The following SYN3 variants were observed in gnomAD, a reference collection of about 807,000 sequenced individuals.
SYN3 encodes synapsin-3.
Under a neutral mutation model 65.8 loss-of-function variants are expected in SYN3, and 35 were observed. The ratio of observed to expected loss-of-function variants is 0.53; its 90% CI spans 0.41 to 0.70. The LOEUF (loss-of-function observed/expected upper bound fraction) is 0.70. Among genes scored for constraint, SYN3 ranks in the 30% least tolerant of loss-of-function variants. SYN3 has a pLI of 0.00. For missense variants in SYN3, 680 were observed against 749.0 expected (o/e 0.91, Z 1.08); for synonymous variants, 270 against 292.9 (o/e 0.92, Z 0.80).
intron 6 of SYN3, among the ~76,000 whole-genome samples, chr22:32,722,063 G>A (rs147690860): frequency 5.0e-4 from 76 of 152,310 alleles, no homozygotes; most frequent in African/African-American, 1.7e-3. Context: ...GAGGAAGAGC[G>A]GTGGAAGATG....
chr22:32,812,651 T>C (rs2046946111), intron 6 of SYN3, among the ~76,000 whole-genome samples: 1 of 152,246 alleles, frequency 6.6e-6, no homozygotes, highest in Non-Finnish European at 1.5e-5. Flanking sequence ...ATGTGGTTCA[T>C]GGCTCGGCTC....
In SYN3 at chr22:32,550,079, G is replaced by T. The variant is rs187485690; in HGVS notation, c.775-8366C>A. Reference sequence around the variant, plus strand: ...AAACAAAATAAATCAACTGGAGAAAGAATTTCCTGAAAACAGAAAACAAAA... The same window carrying T: ...AAACAAAATAAATCAACTGGAGAAATAATTTCCTGAAAACAGAAAACAAAA... On this transcript the variant is annotated intron_variant, in intron 7 of 13. Transcript: ENST00000358763. 7.2e-5 allele frequency among the ~76,000 whole-genome samples: 11 copies of T among 152,182 alleles called. No homozygotes were observed. The East Asian group carries it at 1.9e-3, about 27-fold the overall frequency.
In SYN3 at chr22:32,739,441, T is replaced by C. The variant is rs535260130; in HGVS notation, c.711+125474A>G. Among the ~76,000 whole-genome samples, 32 of 151,258 alleles carry C rather than the reference T, an allele frequency of 2.1e-4. No homozygotes were observed. The East Asian group carries it at 6.1e-3, about 29-fold the overall frequency. ...CTTTATCAGCAGTGTGAAAATGAAG[T>C]AATACAGTGTCCCTTCAAAGTCCCC... On this transcript the variant is annotated intron_variant, in intron 6 of 13. Transcript: ENST00000358763.
At chr22:32,846,429 A>G (rs1462609619) in intron 6 of SYN3, among the ~76,000 whole-genome samples, 17 of 152,224 alleles carry the variant, frequency 1.1e-4, no homozygotes, top group Admixed American at 1.1e-3. Context: ...ATGCCCTAAG[A>G]TGGAATAAAA....
intron 6 of SYN3, among the ~76,000 whole-genome samples, chr22:32,727,053 A>G (rs948035649): frequency 6.6e-6 from 1 of 151,568 alleles, no homozygotes; most frequent in African/African-American, 2.4e-5. Flanking sequence ...ATACGTGGCC[A>G]TGGTGGTTTG....
intron 3 of SYN3, among the ~76,000 whole-genome samples, chr22:32,939,265 T>C (rs1262521908): frequency 6.6e-6 from 1 of 152,170 alleles, no homozygotes; most frequent in African/African-American, 2.4e-5. Flanking sequence ...GGAAATATAC[T>C]GCTGAAAGGT....
At chr22:32,728,363 C>T (rs527933685) in intron 6 of SYN3, among the ~76,000 whole-genome samples, 1 of 152,322 alleles carries the variant, frequency 6.6e-6, no homozygotes, top group African/African-American at 2.4e-5. Flanking sequence ...TCCTGTGCTC[C>T]GGCCATACCA....
chr22:32,817,112 T>C lies in SYN3; in HGVS notation c.711+47803A>G, dbSNP rs924049941. Among the ~76,000 whole-genome samples, 12 of 151,666 alleles carry C rather than the reference T, an allele frequency of 7.9e-5. No homozygotes were observed. In the East Asian group the frequency reaches 2.3e-3, roughly 29 times the overall value. The stretch of plus-strand genomic sequence containing the variant: ...TTGGGCCTGTAGTCCCAGTTACTCT[T>C]GAGGCTTAGGTGGGAGAATCGCTTG... On this transcript the variant is annotated intron_variant, in intron 6 of 13. Transcript: ENST00000358763.
At chr22:32,603,239 G>A (rs1270376849) in intron 6 of SYN3, among the ~76,000 whole-genome samples, 1 of 151,934 alleles carries the variant, frequency 6.6e-6, no homozygotes, top group Non-Finnish European at 1.5e-5. Context: ...CTGGCCGGGC[G>A]CGGTGGCTCA....
At chr22:32,835,462 C>G (rs2146159365) in intron 6 of SYN3, among the ~76,000 whole-genome samples, 1 of 152,124 alleles carries the variant, frequency 6.6e-6, no homozygotes, top group Middle Eastern at 3.4e-3. Context: ...CTGTTCTAGT[C>G]TTATGCTTGC....
chr22:32,592,469 T>A (rs1314904206), intron 7 of SYN3, among the ~76,000 whole-genome samples: 1 of 152,254 alleles, frequency 6.6e-6, no homozygotes. Context: ...CTGTTTCTCA[T>A]GATGTCCACT....
At chr22:32,603,356 C>CAAAAAAAAAA (rs10670581) in intron 6 of SYN3, among the ~76,000 whole-genome samples, 2 of 125,968 alleles carry the variant, frequency 1.6e-5, no homozygotes, top group Non-Finnish European at 3.4e-5. Flanking sequence ...ACTAAAAATA[C>CAAAAAAAAAA]AAAAAAAAAA....
intron 1 of SYN3, among the ~76,000 whole-genome samples, chr22:33,040,207 A>G (rs2053938262): frequency 6.6e-6 from 1 of 152,040 alleles, no homozygotes; most frequent in Non-Finnish European, 1.5e-5. Context: ...CATGTTAGCC[A>G]GGATGGTCTC....
At chr22:32,995,875 A>C (rs1339727342) in intron 2 of SYN3, among the ~76,000 whole-genome samples, 2 of 151,950 alleles carry the variant, frequency 1.3e-5, no homozygotes, top group Non-Finnish European at 2.9e-5. Context: ...GTTGGCCAGG[A>C]TGGTCTCGAT....
At chr22:32,597,995 G>T (rs184405541) in intron 6 of SYN3, among the ~76,000 whole-genome samples, 3 of 152,324 alleles carry the variant, frequency 2.0e-5, no homozygotes, top group Admixed American at 2.0e-4. Flanking sequence ...TTTTGAGGGT[G>T]TTTTCTTGAT....
intron 12 of SYN3, among the ~76,000 whole-genome samples, chr22:32,523,357 A>G (rs902297424): frequency 1.3e-5 from 2 of 151,296 alleles, no homozygotes; most frequent in Non-Finnish European, 3.0e-5. Context: ...CTGAAAATAC[A>G]AAAAAATTAG....
intron 1 of SYN3, among the ~76,000 whole-genome samples, chr22:33,018,924 C>T (rs1471972695): frequency 6.6e-6 from 1 of 152,182 alleles, no homozygotes; most frequent in Non-Finnish European, 1.5e-5. Flanking sequence ...AACTCTGTCT[C>T]CACTAACATC....
At position 32,866,601 on chromosome 22, in the gene SYN3, G is replaced by T. The variant is rs138348644; in HGVS notation, c.622-1597C>A. ...GCTAAGAATTAAACACAATATGCAC[G>T]TTAAGGGCTCAGGATAGCACACGGC... On this transcript the variant is annotated intron_variant, in intron 5 of 13. Coordinates refer to ENST00000358763, the MANE Select transcript of SYN3 (RefSeq NM_003490.4). Among the ~76,000 whole-genome samples, 64 of 152,284 alleles carry T rather than the reference G, an allele frequency of 4.2e-4. No individual in the cohort carries two copies. In the East Asian group the frequency reaches 7.1e-3, roughly 17 times the overall value.
chr22:32,513,980 G>A (rs1369587645), intron 13 of SYN3, among the ~76,000 whole-genome samples, 156 bp from the exon 14 acceptor site: 2 of 152,162 alleles, frequency 1.3e-5, no homozygotes, highest in African/African-American at 4.8e-5. Context: ...ATGATGTCAG[G>A]TACATTACAC....
Sources: allele counts gnomAD v4.1 joint callset (sites outside exome capture counted in the v4.1 genomes callset), GRCh38; gene constraint gnomAD v4.1.1; transcripts MANE v1.5; gene names NCBI Gene and HGNC (gene_info 2026-07-23, HGNC 2026-07-21).